CRACD: variants seen among roughly 807,000 people sequenced by gnomAD.
CRACD encodes the protein capping protein-inhibiting regulator of actin dynamics.
A neutral mutation model predicts 106.8 loss-of-function variants in CRACD; 56 were observed. The ratio of observed to expected loss-of-function variants is 0.52; its 90% CI spans 0.42 to 0.66. CRACD has a LOEUF of 0.66. CRACD is among the 30% of genes least tolerant of loss of function. The pLI is 0.00. For synonymous variants in CRACD, 754 were observed against 670.8 expected, an observed-to-expected ratio of 1.12 and a Z score of -1.92; for missense variants, 1,730 against 1,623.2, an observed-to-expected ratio of 1.07 and a Z score of -1.13.
rs1211305424 is a variant in CRACD, at chr4:56,316,222, C to T, written c.2720C>T (p.Pro907Leu). The change falls in exon 8 of 11, where the codon CCC (proline) becomes CTC (leucine). Residue 907 changes from proline to leucine, a missense_variant. Around this residue, in one of 5 missense-constraint regions of CRACD, gnomAD observed 1,620 missense variants for 1,481.6 expected, o/e 1.09. Coordinates refer to ENST00000682029, the MANE Select transcript of CRACD (RefSeq NM_001393381.1). Reference protein sequence around the residue: ...GVALKHGPSLPQERKQAPSTR... With the variant: ...GVALKHGPSLLQERKQAPSTR... Reference sequence around the variant, plus strand: ...GCCCTCAAGCATGGTCCATCCCTCCCCCAAGAGCGGAAGCAAGCCCCTTCC... The same window carrying T: ...GCCCTCAAGCATGGTCCATCCCTCCTCCAAGAGCGGAAGCAAGCCCCTTCC... 2 of 1,614,042 alleles carry T rather than the reference C, an allele frequency of 1.2e-6. No homozygotes were observed. Among genetic ancestry groups the T allele is most frequent in the African/African-American group, 1.3e-5 (1 of 75,054 alleles).
At chr4:56,165,521 A>C (rs1488261439) in intron 1 of CRACD, among the ~76,000 whole-genome samples, 1 of 152,246 alleles carries the variant, frequency 6.6e-6, no homozygotes, top group Non-Finnish European at 1.5e-5. Flanking sequence ...AGTATGCAGC[A>C]GATTACTGCT....
intron 1 of CRACD, among the ~76,000 whole-genome samples, chr4:56,176,845 C>A (rs1423319213): frequency 6.6e-6 from 1 of 152,072 alleles, no homozygotes; most frequent in Admixed American, 6.6e-5. Flanking sequence ...AGATTACTTT[C>A]TAGATTTCTT....
chr4:56,184,465 C>T (rs1266292989), intron 2 of CRACD, among the ~76,000 whole-genome samples: 1 of 152,218 alleles, frequency 6.6e-6, no homozygotes, highest in Non-Finnish European at 1.5e-5. Flanking sequence ...TCTGATGTTA[C>T]TGCCACCAAA....
At position 56,316,333 on chromosome 4, in the gene CRACD, C is replaced by T. The variant is rs1291106985; in HGVS notation, c.2831C>T (p.Pro944Leu). Residue 944 changes from proline to leucine, a missense_variant, in exon 8 of 11, where the codon CCG becomes CTG. Physicochemically the swap from Pro to Leu is moderately conservative, Grantham distance 98 (BLOSUM62 -3). This residue lies in a region of CRACD where 1,620 missense variants were observed against 1,481.6 expected (regional missense o/e 1.09). Coordinates refer to ENST00000682029, the MANE Select transcript of CRACD (RefSeq NM_001393381.1). ...CCTCCACCGGCCAGCAGCCAGACCCCGGCTCCGGAGCACGACAAGGCAGCA... is the reference window on the plus strand; with the variant it reads ...CCTCCACCGGCCAGCAGCCAGACCCTGGCTCCGGAGCACGACAAGGCAGCA... ...PGPPPASSQT[P>L]APEHDKAANK... 1.9e-6 allele frequency: 3 copies of T among 1,613,902 alleles called. No homozygotes were observed. Among genetic ancestry groups the T allele is most frequent in the East Asian group, 2.2e-5 (1 of 44,880 alleles).
Position 56,316,270 on chromosome 4 carries a change from C to G in CRACD, c.2768C>G (p.Pro923Arg). 6.2e-7 allele frequency: 1 copy of G among 1,613,990 alleles called. No homozygotes were observed. The highest frequency in any genetic ancestry group is 1.1e-5 in the South Asian group (1 of 91,082). ...TCCACCCGGAGGGACTCCGCTGAAC[C>G]TTCCAGCAGCCGCTCTGTTCCTGTG... ...APSTRRDSAE[P>R]SSSRSVPVAH... The change falls in exon 8 of 11, where the codon CCT becomes CGT. Residue 923 changes from proline (P) to arginine (R), a missense_variant. Around this residue, in one of 5 missense-constraint regions of CRACD, gnomAD observed 1,620 missense variants for 1,481.6 expected, o/e 1.09. Coordinates refer to ENST00000682029, the MANE Select transcript of CRACD (RefSeq NM_001393381.1).
chr4:56,307,408 G>A, intron 4 of CRACD, 127 bp from the exon 5 acceptor site: 3 of 748,406 alleles, frequency 4.0e-6, no homozygotes, highest in East Asian at 2.7e-5. Context: ...CTGGCATGGT[G>A]TTGAGTCTAG....
chr4:56,188,089 G>A (rs1333296314), intron 2 of CRACD, among the ~76,000 whole-genome samples: 4 of 152,112 alleles, frequency 2.6e-5, no homozygotes, highest in Non-Finnish European at 2.9e-5. Context: ...AAACTTCACT[G>A]GGCACATATT....
At chr4:56,213,752 A>T (rs1738526402) in intron 2 of CRACD, among the ~76,000 whole-genome samples, 1 of 152,222 alleles carries the variant, frequency 6.6e-6, no homozygotes, top group Non-Finnish European at 1.5e-5. Context: ...GTCACCTTTG[A>T]TTGGCCAATA....
rs78621212 is a variant in CRACD at position 56,196,958 on chromosome 4, G to A, written c.-189+17528G>A. On this transcript the variant is annotated intron_variant, in intron 2 of 10. Coordinates refer to ENST00000682029, the MANE Select transcript of CRACD (RefSeq NM_001393381.1). ...AGCTTAATAGCAATGGCCCTGAAAC[G>A]TCCAGTATTCCATTCAGTATATCAT... Among the ~76,000 whole-genome samples, 1,018 of 151,984 alleles carry A rather than the reference G, an allele frequency of 6.7e-3. 20 individuals carry two copies. The highest frequency in any genetic ancestry group is 0.023 in the African/African-American group (974 of 41,466).
At chr4:56,098,032 C>T (rs912172434) in intron 1 of CRACD, among the ~76,000 whole-genome samples, 17 of 151,934 alleles carry the variant, frequency 1.1e-4, no homozygotes, top group African/African-American at 3.9e-4. Context: ...ACTATAAATG[C>T]TTTGCTTATA....
At chr4:56,153,724 A>G (rs149050413) in intron 1 of CRACD, among the ~76,000 whole-genome samples, 1 of 152,160 alleles carries the variant, frequency 6.6e-6, no homozygotes, top group Non-Finnish European at 1.5e-5. Flanking sequence ...GCCACATCTC[A>G]TGTTCCTCTT....
intron 2 of CRACD, among the ~76,000 whole-genome samples, chr4:56,248,497 AT>A (rs200888572): frequency 0.035 from 5,134 of 146,904 alleles, 104 homozygotes; most frequent in African/African-American, 0.055. Context: ...TCAATGCATT[AT>A]TTTTTTTTTT....
chr4:56,244,751 G>A (rs1374858051), intron 2 of CRACD, among the ~76,000 whole-genome samples: 2 of 152,234 alleles, frequency 1.3e-5, no homozygotes, highest in Non-Finnish European at 1.5e-5. Flanking sequence ...CCAGGACCCT[G>A]CCCAGCCCTG....
chr4:56,253,600 A>T (rs1016955870), intron 2 of CRACD, among the ~76,000 whole-genome samples: 1 of 152,244 alleles, frequency 6.6e-6, no homozygotes, highest in Admixed American at 6.5e-5. Flanking sequence ...GCCACTGTTC[A>T]TGGACTCAGC....
chr4:56,151,238 G>A (rs1398621878), intron 1 of CRACD, among the ~76,000 whole-genome samples: 3 of 152,060 alleles, frequency 2.0e-5, no homozygotes, highest in Non-Finnish European at 2.9e-5. Context: ...GACCTCAGGC[G>A]ATCTGCCTGC....
At chr4:56,147,891 CTG>C (rs1301666882) in intron 1 of CRACD, among the ~76,000 whole-genome samples, 1 of 152,144 alleles carries the variant, frequency 6.6e-6, no homozygotes, top group Middle Eastern at 3.2e-3. Context: ...GCTAACATGA[CTG>C]TATTTTGAGA....
At chr4:56,070,396 T>C (rs1732601708) in intron 1 of CRACD, among the ~76,000 whole-genome samples, 1 of 150,704 alleles carries the variant, frequency 6.6e-6, no homozygotes, top group African/African-American at 2.5e-5. Context: ...GCCTCCCGGG[T>C]TCACGCCATT....
Position 56,204,380 on chromosome 4 carries a change from C to T in CRACD, c.-189+24950C>T, listed in dbSNP as rs147358268. 1.2e-3 allele frequency among the ~76,000 whole-genome samples: 186 copies of T among 152,300 alleles called. 1 individual carries two copies. The highest frequency in any genetic ancestry group is 4.1e-3 in the African/African-American group (171 of 41,556). On this transcript the variant is annotated intron_variant, in intron 2 of 10. Coordinates refer to ENST00000682029, the MANE Select transcript of CRACD (RefSeq NM_001393381.1). ...TTACAGTTCTGGAGGCTGGGAAGTTCGAGGTCAAGGGGCCTGCATCTGATG... is the reference window on the plus strand; with the variant it reads ...TTACAGTTCTGGAGGCTGGGAAGTTTGAGGTCAAGGGGCCTGCATCTGATG...
chr4:56,180,814 C>T (rs146018348), intron 2 of CRACD, among the ~76,000 whole-genome samples: 3 of 152,260 alleles, frequency 2.0e-5, no homozygotes, highest in East Asian at 1.9e-4. Context: ...TGAGAGTTCT[C>T]CTGGATTGTC....
Sources: gnomAD v4.1 joint callset for allele counts (sites outside exome capture counted in the v4.1 genomes callset) on GRCh38, gnomAD v4.1.1 for gene constraint, gnomAD v4.1.1 regional missense constraint, MANE v1.5 for transcripts, NCBI Gene and HGNC (gene_info 2026-07-23, HGNC 2026-07-21) for gene names.